The following FHIT variants were observed in gnomAD, a reference collection of about 807,000 sequenced individuals.
FHIT encodes the protein fragile histidine triad diadenosine triphosphatase.
FHIT carries 19 observed loss-of-function variants against 17.9 expected under a neutral mutation model. The observed-to-expected ratio is 1.06, with a 90% confidence interval of 0.74 to 1.56. The LOEUF (loss-of-function observed/expected upper bound fraction) is 1.56. FHIT is among the 40% of genes most tolerant of loss of function. FHIT has a pLI of 0.00. For missense variants in FHIT, 248 were observed against 189.2 expected (o/e 1.31, Z -1.82); for synonymous variants, 81 against 69.7 (o/e 1.16, Z -0.81).
chr3:61,217,065 A>G lies in FHIT; in HGVS notation c.-212-16400T>C, dbSNP rs183887766. On this transcript the variant is annotated intron_variant, in intron 1 of 9. Transcript: ENST00000492590. ...TGCTAAATGATGAGTTAATGAGTGCAGCACACCAGCATGGCAGATGTATAA... is the reference window on the plus strand; with the variant it reads ...TGCTAAATGATGAGTTAATGAGTGCGGCACACCAGCATGGCAGATGTATAA... Among the ~76,000 whole-genome samples the G allele has an allele frequency of 1.6e-3, 250 of 152,314 alleles. 1 individual carries two copies. The highest frequency in any genetic ancestry group is 5.6e-3 in the African/African-American group (231 of 41,562).
chr3:60,391,546 G>A (rs546941727), intron 5 of FHIT, among the ~76,000 whole-genome samples: 2 of 152,264 alleles, frequency 1.3e-5, no homozygotes, highest in East Asian at 3.9e-4. Flanking sequence ...TAAGTGCCCT[G>A]TACAGGTCTA....
intron 5 of FHIT, among the ~76,000 whole-genome samples, chr3:60,140,573 CTA>C (rs1047182869): frequency 1.6e-5 from 2 of 121,846 alleles, no homozygotes; most frequent in South Asian, 2.9e-4. Context: ...GACACAGACT[CTA>C]TTTTTTTTTT....
At chr3:60,768,763 G>T (rs1010341754) in intron 4 of FHIT, among the ~76,000 whole-genome samples, 1 of 152,216 alleles carries the variant, frequency 6.6e-6, no homozygotes, top group African/African-American at 2.4e-5. Flanking sequence ...CACACCAAGT[G>T]ATGAGGTCAG....
rs187227900 is a variant in FHIT, at chr3:60,734,649, G to T, written c.-18+87270C>A. 7.0e-4 allele frequency among the ~76,000 whole-genome samples: 106 copies of T among 152,072 alleles called. 2 individuals are homozygous for T. The highest frequency in any genetic ancestry group is 2.4e-3 in the African/African-American group (99 of 41,572). ...CAAAGTCCTGGGATTACAGGGGTGA[G>T]CCATCCCACCTGGCCTCAATCTCTG... is the stretch of plus-strand genomic sequence containing the variant. On this transcript the variant is annotated intron_variant, in intron 4 of 9. Coordinates refer to ENST00000492590, the MANE Select transcript of FHIT (RefSeq NM_002012.4).
chr3:60,751,153 C>A (rs1202019246), intron 4 of FHIT, among the ~76,000 whole-genome samples: 1 of 152,170 alleles, frequency 6.6e-6, no homozygotes, highest in Non-Finnish European at 1.5e-5. Flanking sequence ...CAGAAGACAC[C>A]AGAGTGTTTA....
At chr3:60,742,385 G>A (rs1276868394) in intron 4 of FHIT, among the ~76,000 whole-genome samples, 1 of 152,144 alleles carries the variant, frequency 6.6e-6, no homozygotes, top group Non-Finnish European at 1.5e-5. Context: ...ATAGAAAGCA[G>A]GGGAAGAGCA....
chr3:61,227,121 G>A (rs778307872), intron 1 of FHIT, among the ~76,000 whole-genome samples: 13 of 152,180 alleles, frequency 8.5e-5, no homozygotes, highest in Admixed American at 5.9e-4. Flanking sequence ...TAAGAGGTGA[G>A]AGAGAAGAGT....
chr3:60,374,751 T>C (rs1349192598), intron 5 of FHIT, among the ~76,000 whole-genome samples: 18 of 152,162 alleles, frequency 1.2e-4, no homozygotes, highest in Non-Finnish European at 1.5e-5. Flanking sequence ...ACTCAATTTT[T>C]CCACCAACAT....
chr3:61,035,996 C>T (rs1294424904), intron 3 of FHIT, among the ~76,000 whole-genome samples: 2 of 152,102 alleles, frequency 1.3e-5, no homozygotes, highest in Non-Finnish European at 2.9e-5. Flanking sequence ...TCTAAGTTTC[C>T]CAACTCGATT....
intron 5 of FHIT, among the ~76,000 whole-genome samples, chr3:60,520,644 C>A (rs191105324): frequency 6.8e-6 from 1 of 146,480 alleles, no homozygotes; most frequent in Non-Finnish European, 1.5e-5. Flanking sequence ...AGATGCTTCA[C>A]TTTCAAAAAA....
chr3:60,700,160 A>G (rs1437980606), intron 4 of FHIT, among the ~76,000 whole-genome samples: 1 of 151,322 alleles, frequency 6.6e-6, no homozygotes, highest in Non-Finnish European at 1.5e-5. Flanking sequence ...ACAGGTATGT[A>G]TGTATGTGGT....
intron 4 of FHIT, among the ~76,000 whole-genome samples, chr3:60,630,851 C>A (rs1553682227): frequency 6.7e-6 from 1 of 150,046 alleles, no homozygotes; most frequent in Non-Finnish European, 1.5e-5. Flanking sequence ...AAATCAATGT[C>A]TTACCTGAGT....
chr3:60,020,035 G>A (rs1246385569), intron 5 of FHIT, among the ~76,000 whole-genome samples: 5 of 152,124 alleles, frequency 3.3e-5, no homozygotes, highest in African/African-American at 9.7e-5. Flanking sequence ...ATGGGCACGC[G>A]ACATGAGATG....
intron 5 of FHIT, among the ~76,000 whole-genome samples, chr3:60,076,889 G>C (rs1703032504): frequency 6.6e-6 from 1 of 151,170 alleles, no homozygotes; most frequent in South Asian, 2.1e-4. Context: ...CTGACTGAAA[G>C]GTAAAAGGAA....
rs757433390 is a variant in FHIT, at chr3:60,324,573, G to GGAA, written c.103+212286_103+212287insTTC. ...TGGGTGACAGAGCGAGACTCCATCAGAAAAAAAAAAAAAAGAATTCCAGTT... is the reference window on the plus strand; with the variant it reads ...TGGGTGACAGAGCGAGACTCCATCAGGAAAAAAAAAAAAAAAAGAATTCCAGTT... On this transcript the variant is annotated intron_variant, in intron 5 of 9. Coordinates refer to ENST00000492590, the MANE Select transcript of FHIT (RefSeq NM_002012.4). Among the ~76,000 whole-genome samples the GGAA allele has an allele frequency of 9.0e-4, 116 of 128,840 alleles. 3 individuals carry two copies. The highest frequency in any genetic ancestry group is 4.1e-3 in the Middle Eastern group (1 of 242). 84.5% of individuals were successfully genotyped at this position (128,840 alleles called of 152,430 possible). A position where few individuals can be genotyped will look rare whatever the true frequency, so the allele number is the denominator to read the frequency against.
At chr3:60,683,553 TACTAGACTAC>T (rs782376512) in intron 4 of FHIT, among the ~76,000 whole-genome samples, 22 of 152,242 alleles carry the variant, frequency 1.4e-4, no homozygotes, top group Non-Finnish European at 2.2e-4. Flanking sequence ...TGCTATTGCA[TACTAGACTAC>T]TATAGACTGT....
chr3:61,241,458 A>C (rs1469094865), intron 1 of FHIT, among the ~76,000 whole-genome samples: 1 of 152,208 alleles, frequency 6.6e-6, no homozygotes, highest in East Asian at 1.9e-4. Flanking sequence ...ATGTGGGAAG[A>C]AGACTTCTCA....
chr3:60,650,556 A>C (rs1369324638), intron 4 of FHIT, among the ~76,000 whole-genome samples: 5 of 152,228 alleles, frequency 3.3e-5, no homozygotes, highest in Non-Finnish European at 7.3e-5. Context: ...GACTTTCGAC[A>C]TCTGATGTGA....
rs116753418 is a variant in FHIT, at chr3:60,176,445, C to T, written c.104-162293G>A. The stretch of plus-strand genomic sequence containing the variant: ...TTAATTAGTAAAGAATATAGAAATA[C>T]TCTCTAGCATAGTTTACCTGCATTT... On this transcript the variant is annotated intron_variant, in intron 5 of 9. Transcript: ENST00000492590. Among the ~76,000 whole-genome samples, 1,121 of 152,274 alleles carry T rather than the reference C, an allele frequency of 7.4e-3. 10 individuals are homozygous for T. The highest frequency in any genetic ancestry group is 0.026 in the African/African-American group (1,068 of 41,564).
Sources: allele counts gnomAD v4.1 joint callset (sites outside exome capture counted in the v4.1 genomes callset), GRCh38; gene constraint gnomAD v4.1.1; transcripts MANE v1.5; gene names NCBI Gene and HGNC (gene_info 2026-07-23, HGNC 2026-07-21).